The following ZFHX3 variants were observed in gnomAD, a reference collection of about 807,000 sequenced individuals.
ZFHX3 encodes zinc finger homeobox 3.
A neutral mutation model predicts 279.1 loss-of-function variants in ZFHX3; 42 were observed. The ratio of observed to expected loss-of-function variants is 0.15; its 90% confidence interval spans 0.12 to 0.19. The LOEUF is 0.19. ZFHX3 is among the 10% of genes least tolerant of loss of function. ZFHX3 has a pLI of 1.00. For synonymous variants in ZFHX3, 2,293 were observed against 1,957.8 expected (o/e 1.17, Z -4.52); for missense variants, 4,981 against 4,754.0 (o/e 1.05, Z -1.40).
intron 5 of ZFHX3, among the ~76,000 whole-genome samples, chr16:73,211,790 C>CAGTGGTTG (rs2012027351): frequency 6.6e-6 from 1 of 151,618 alleles, no homozygotes; most frequent in Non-Finnish European, 1.5e-5. Context: ...GATTCTCCTG[C>CAGTGGTTG]AGTGGTTGAG....
chr16:73,109,587 G>A (rs1341744009), intron 7 of ZFHX3, among the ~76,000 whole-genome samples: 1 of 152,140 alleles, frequency 6.6e-6, no homozygotes, highest in Non-Finnish European at 1.5e-5. Flanking sequence ...TTCCGGTGCA[G>A]TGCCTCGTGC....
At chr16:72,993,876 T>C (rs1963182843) in intron 1 of ZFHX3, among the ~76,000 whole-genome samples, 1 of 152,156 alleles carries the variant, frequency 6.6e-6, no homozygotes, top group South Asian at 2.1e-4. Flanking sequence ...GATCCCCCAA[T>C]GCATTCGGGG....
chr16:73,419,641 G>A (rs1350558573), intron 3 of ZFHX3, among the ~76,000 whole-genome samples: 2 of 151,732 alleles, frequency 1.3e-5, no homozygotes, highest in Admixed American at 6.6e-5. Flanking sequence ...ATGGGGTCTC[G>A]CTATGTTGCC....
At chr16:73,612,270 A>C (rs1192181642) in intron 2 of ZFHX3, among the ~76,000 whole-genome samples, 1 of 152,192 alleles carries the variant, frequency 6.6e-6, no homozygotes, top group African/African-American at 2.4e-5. Flanking sequence ...ACTCAACCCC[A>C]AAAAGCTGCT....
chr16:73,676,517 A>C (rs1002355975), intron 2 of ZFHX3, among the ~76,000 whole-genome samples: 1 of 152,050 alleles, frequency 6.6e-6, no homozygotes, highest in Non-Finnish European at 1.5e-5. Flanking sequence ...AATACTAACA[A>C]AGAACCATAC....
intron 4 of ZFHX3, among the ~76,000 whole-genome samples, chr16:72,876,424 G>A (rs751494560): frequency 6.6e-5 from 10 of 152,104 alleles, no homozygotes; most frequent in East Asian, 1.9e-4. Context: ...TGCTGGCTAC[G>A]ATTCAGCGCA....
chr16:73,439,984 G>A (rs1417373509), intron 3 of ZFHX3, among the ~76,000 whole-genome samples: 3 of 150,248 alleles, frequency 2.0e-5, no homozygotes, highest in Admixed American at 6.6e-5. Context: ...AGGTTACGGT[G>A]TAGGCACGGG....
At chr16:73,178,937 T>G (rs567816589) in intron 5 of ZFHX3, among the ~76,000 whole-genome samples, 1 of 152,158 alleles carries the variant, frequency 6.6e-6, no homozygotes, top group Non-Finnish European at 1.5e-5. Context: ...AAGCACTGTT[T>G]AGTCACTACA....
At chr16:73,616,589 G>A (rs997067193) in intron 2 of ZFHX3, among the ~76,000 whole-genome samples, 2 of 151,844 alleles carry the variant, frequency 1.3e-5, no homozygotes, top group Non-Finnish European at 2.9e-5. Flanking sequence ...CTCAATGGCC[G>A]TTGCAAAATT....
chr16:73,182,076 C>G (rs531535774), intron 5 of ZFHX3, among the ~76,000 whole-genome samples: 1 of 152,306 alleles, frequency 6.6e-6, no homozygotes, highest in Admixed American at 6.5e-5. Context: ...AGACAAGGCT[C>G]AGAATCTTCT....
intron 4 of ZFHX3, among the ~76,000 whole-genome samples, chr16:72,879,915 G>A (rs1435790657): frequency 6.6e-6 from 1 of 152,216 alleles, no homozygotes. Flanking sequence ...GGTGAGGGCT[G>A]TGTGAGAACA....
At chr16:73,108,118 G>C (rs1966326100) in intron 7 of ZFHX3, among the ~76,000 whole-genome samples, 1 of 152,092 alleles carries the variant, frequency 6.6e-6, no homozygotes, top group East Asian at 1.9e-4. Flanking sequence ...CCGAGATTGT[G>C]CCACTGCACT....
intron 1 of ZFHX3, among the ~76,000 whole-genome samples, chr16:73,795,447 G>T (rs765005495): frequency 1.2e-4 from 19 of 152,192 alleles, no homozygotes; most frequent in Non-Finnish European, 8.8e-5. Flanking sequence ...ATTGGTTTTC[G>T]ATGAGCCTGG....
At chr16:73,716,873 C>T (rs987275674) in intron 1 of ZFHX3, among the ~76,000 whole-genome samples, 1 of 152,106 alleles carries the variant, frequency 6.6e-6, no homozygotes. Flanking sequence ...TCACAACTGT[C>T]AGGCCAGTTT....
At chr16:73,291,059 T>C (rs915720187) in intron 4 of ZFHX3, among the ~76,000 whole-genome samples, 1 of 152,156 alleles carries the variant, frequency 6.6e-6, no homozygotes, top group Admixed American at 6.5e-5. Flanking sequence ...CAAGTTGACC[T>C]CGCCTGCCAC....
intron 4 of ZFHX3, among the ~76,000 whole-genome samples, chr16:72,853,729 G>T (rs1299919151): frequency 6.6e-6 from 1 of 152,192 alleles, no homozygotes; most frequent in Non-Finnish European, 1.5e-5. Flanking sequence ...ATTCAGGAGG[G>T]CGGGGAAGGA....
intron 1 of ZFHX3, among the ~76,000 whole-genome samples, chr16:73,706,915 C>G (rs990286018): frequency 6.6e-6 from 1 of 152,106 alleles, no homozygotes; most frequent in Non-Finnish European, 1.5e-5. Flanking sequence ...CTTACTTTAA[C>G]GATTTCTTTC....
intron 6 of ZFHX3, among the ~76,000 whole-genome samples, chr16:73,132,898 GTTC>G (rs1966717460): frequency 6.6e-6 from 1 of 152,212 alleles, no homozygotes; most frequent in South Asian, 2.1e-4. Context: ...GTCAGCAAGT[GTTC>G]TTCTCCTGGT....
intron 3 of ZFHX3, among the ~76,000 whole-genome samples, chr16:72,918,278 G>T (rs1308385298): frequency 3.3e-5 from 5 of 152,268 alleles, no homozygotes; most frequent in African/African-American, 1.2e-4. Flanking sequence ...AGTCACAAGT[G>T]CTTGAGATTT....
Sources: gnomAD v4.1 joint callset for allele counts (sites outside exome capture counted in the v4.1 genomes callset) on GRCh38, gnomAD v4.1.1 for gene constraint, MANE v1.5 for transcripts, NCBI Gene and HGNC (gene_info 2026-07-23, HGNC 2026-07-21) for gene names.